The following PCDHA5 variants were observed in gnomAD, a reference collection of about 807,000 sequenced individuals.
PCDHA5 encodes the protein protocadherin alpha 5.
Under a neutral mutation model 61.6 loss-of-function variants are expected in PCDHA5, and 43 were observed. That is an observed-to-expected ratio of 0.70 (90% CI 0.55 to 0.90). PCDHA5 has a LOEUF of 0.90. Among genes scored for constraint, PCDHA5 ranks in the 40% least tolerant of loss-of-function variants. The probability of loss-of-function intolerance (pLI) is 0.00; values close to 1 mark genes in which losing one functional copy is unlikely to be tolerated. For synonymous variants in PCDHA5, 627 were observed against 543.9 expected (o/e 1.15, Z -2.13); for missense variants, 1,298 against 1,222.7 (o/e 1.06, Z -0.92).
At chr5:140,887,955 CT>C (rs2061644555) in intron 1 of PCDHA5, among the ~76,000 whole-genome samples, 1 of 152,088 alleles carries the variant, frequency 6.6e-6, no homozygotes, top group Non-Finnish European at 1.5e-5. Flanking sequence ...GTATAAGATT[CT>C]TTTTGTCTCT....
intron 1 of PCDHA5, chr5:140,828,238 G>A (rs2150152865): frequency 3.7e-6 from 6 of 1,613,818 alleles, no homozygotes; most frequent in Non-Finnish European, 5.1e-6. Context: ...GCCGGATCGC[G>A]CAGGACCTGG....
chr5:140,951,841 AAAAGTCC>A (rs1266500275), intron 1 of PCDHA5, among the ~76,000 whole-genome samples: 1 of 152,182 alleles, frequency 6.6e-6, no homozygotes, highest in African/African-American at 2.4e-5. Context: ...GCATTAAGCC[AAAAGTCC>A]AAAGTCCAAA....
intron 1 of PCDHA5, chr5:140,877,813 G>A (rs781966059): frequency 6.2e-7 from 1 of 1,610,266 alleles, no homozygotes; most frequent in Admixed American, 1.7e-5. Context: ...GCTGTCTCGA[G>A]AAGATTGTTT....
intron 1 of PCDHA5, among the ~76,000 whole-genome samples, chr5:140,832,783 G>T (rs1772149172): frequency 6.6e-6 from 1 of 152,148 alleles, no homozygotes; most frequent in Non-Finnish European, 1.5e-5. Flanking sequence ...GTGCTAGAAA[G>T]GTACATCATA....
At chr5:140,950,914 T>C (rs1198787949) in intron 1 of PCDHA5, among the ~76,000 whole-genome samples, 1 of 152,044 alleles carries the variant, frequency 6.6e-6, no homozygotes, top group African/African-American at 2.4e-5. Flanking sequence ...TTTATTTTAT[T>C]TCAGTTCTTT....
chr5:140,850,813 G>A (rs2150499202), intron 1 of PCDHA5: 2 of 1,598,488 alleles, frequency 1.3e-6, no homozygotes, highest in Admixed American at 1.7e-5. Flanking sequence ...ATGGCCTTCA[G>A]CCCGGGCCTT....
At chr5:140,835,739 C>T (rs185499663) in intron 1 of PCDHA5, 6 of 1,613,584 alleles carry the variant, frequency 3.7e-6, no homozygotes, top group East Asian at 4.5e-5. Context: ...ACGACAACGC[C>T]CCGGCGTTCG....
chr5:140,891,330 T>C (rs995602420), intron 1 of PCDHA5, among the ~76,000 whole-genome samples: 1 of 152,108 alleles, frequency 6.6e-6, no homozygotes, highest in Non-Finnish European at 1.5e-5. Flanking sequence ...TGGTGGTGAT[T>C]TGTGAGATTT....
At position 140,870,438 on chromosome 5, in the gene PCDHA5, C is replaced by T. The variant is rs192088459; in HGVS notation, c.2352+46311C>T. 3.9e-4 allele frequency: 630 copies of T among 1,614,178 alleles called. 3 individuals are homozygous for T. The African/African-American group carries it at 7.7e-3, about 20-fold the overall frequency. On this transcript the variant is annotated intron_variant, in intron 1 of 3. Coordinates refer to ENST00000529859, the MANE Select transcript of PCDHA5 (RefSeq NM_018908.3). ...CGGCCAGGGTATCCGTGGAGGTGGCCGACGTGAACGACAATGCGCCTGCGT... is the reference window on the plus strand; with the variant it reads ...CGGCCAGGGTATCCGTGGAGGTGGCTGACGTGAACGACAATGCGCCTGCGT...
chr5:140,913,965 A>G (rs1228834396), intron 1 of PCDHA5, among the ~76,000 whole-genome samples: 7 of 152,300 alleles, frequency 4.6e-5, no homozygotes, highest in Admixed American at 2.6e-4. Flanking sequence ...ATTTTTAAAA[A>G]AATATTTTAG....
intron 1 of PCDHA5, chr5:140,877,135 G>A (rs1554169356): frequency 2.5e-6 from 4 of 1,613,790 alleles, no homozygotes; most frequent in Non-Finnish European, 3.4e-6. Flanking sequence ...GCAGGTGTTC[G>A]TGCTGGACGA....
At chr5:140,869,134 A>T (rs781973798) in intron 1 of PCDHA5, 3 of 1,612,182 alleles carry the variant, frequency 1.9e-6, no homozygotes, top group Non-Finnish European at 2.5e-6. Context: ...GGGATTGGGC[A>T]CCCCACGACT....
chr5:140,910,858 T>C (rs947258615), intron 1 of PCDHA5, among the ~76,000 whole-genome samples: 3 of 152,190 alleles, frequency 2.0e-5, no homozygotes, highest in Non-Finnish European at 4.4e-5. Context: ...CTATGTTCCA[T>C]CCACCATTAT....
rs73793550 is a variant in PCDHA5 at position 140,989,564 on chromosome 5, C to T, written c.2500+7001C>T. On this transcript the variant is annotated intron_variant, in intron 3 of 3. Transcript: ENST00000529859. ...GTAATTCCTTTACGTTTTGTGGCTC[C>T]GGCAAGCCCTGTCCTCAGCCTCACT... is the stretch of plus-strand genomic sequence containing the variant. Among the ~76,000 whole-genome samples the T allele has an allele frequency of 6.0e-3, 907 of 152,216 alleles. 13 individuals carry two copies. Among genetic ancestry groups the T allele is most frequent in the African/African-American group, 0.021 (852 of 41,530 alleles).
At chr5:140,870,193 C>T in intron 1 of PCDHA5, 2 of 1,614,156 alleles carry the variant, frequency 1.2e-6, no homozygotes, top group Non-Finnish European at 8.5e-7. Flanking sequence ...GGACGCTCAG[C>T]CCAGCACGGT....
chr5:140,968,553 G>C (rs782583876), intron 1 of PCDHA5: 4 of 1,614,132 alleles, frequency 2.5e-6, no homozygotes, highest in South Asian at 1.1e-5. Context: ...ATGGTGCCTC[G>C]AACTGCCCCT....
At chr5:140,894,740 AT>A (rs1157881854) in intron 1 of PCDHA5, among the ~76,000 whole-genome samples, 3 of 150,972 alleles carry the variant, frequency 2.0e-5, no homozygotes, top group Non-Finnish European at 3.0e-5. Flanking sequence ...AATTTGTGGA[AT>A]TTTTTTTCTT....
At chr5:140,977,448 CTCCTT>C (rs1554238572) in intron 1 of PCDHA5, among the ~76,000 whole-genome samples, 2 of 152,212 alleles carry the variant, frequency 1.3e-5, no homozygotes, top group Non-Finnish European at 2.9e-5. Context: ...ATAATGGAAA[CTCCTT>C]TGATTTGGTC....
intron 1 of PCDHA5, among the ~76,000 whole-genome samples, chr5:140,942,323 T>C (rs1489572732): frequency 6.6e-6 from 1 of 151,970 alleles, no homozygotes; most frequent in Non-Finnish European, 1.5e-5. Flanking sequence ...GGCACAAGAA[T>C]CACTTGAACC....
Sources: gnomAD v4.1 joint callset for allele counts (sites outside exome capture counted in the v4.1 genomes callset) on GRCh38, gnomAD v4.1.1 for gene constraint, MANE v1.5 for transcripts, NCBI Gene and HGNC (gene_info 2026-07-23, HGNC 2026-07-21) for gene names.